The following CLTC variants were observed in gnomAD, a reference collection of about 807,000 sequenced individuals.
The protein encoded by CLTC is clathrin heavy chain 1.
Under a neutral mutation model 195.8 loss-of-function variants are expected in CLTC, and 16 were observed. The observed-to-expected ratio is 0.08, with a 90% CI of 0.06 to 0.12. CLTC has a LOEUF of 0.12. Ranked by LOEUF, CLTC falls within the 10% of genes least tolerant of loss-of-function variation. The pLI, the probability that CLTC is intolerant of heterozygous loss-of-function variation, is 1.00. For missense variants in CLTC, 796 were observed against 2,027.0 expected, an observed-to-expected ratio of 0.39 and a Z score of 11.66; for synonymous variants, 667 against 689.4, an observed-to-expected ratio of 0.97 and a Z score of 0.51.
Position 59,682,732 on chromosome 17 carries a change from G to A in CLTC, c.3704G>A (p.Gly1235Asp), listed in dbSNP as rs181278299. 7.4e-6 allele frequency: 12 copies of A among 1,614,136 alleles called. No homozygotes were observed. The highest frequency in any genetic ancestry group is 5.9e-6 in the Non-Finnish European group (7 of 1,180,018). Residue 1235 changes from glycine to aspartate, a missense_variant, in exon 23 of 32, where the codon GGT becomes GAT. Transcript: ENST00000269122. This position sits in a 1 kb window ranked among gnomAD's most constrained non-coding sequence, Gnocchi z 6.8. ...TTGGCATCTACCCTGGTTCACCTGG[G>A]TGAATATCAGGCAGCTGTTGATGGG... ...GRLASTLVHL[G>D]EYQAAVDGAR...
chr17:59,660,321 C>G, intron 6 of CLTC, 70 bp from the exon 7 acceptor site: 4 of 1,369,612 alleles, frequency 2.9e-6, no homozygotes, highest in Non-Finnish European at 4.1e-6. Context: ...TTAACCTGTT[C>G]TAAACAGATT....
chr17:59,620,195 T>G, intron 1 of CLTC, 22 bp downstream of exon 1: 1 of 1,611,780 alleles, frequency 6.2e-7, no homozygotes, highest in South Asian at 1.1e-5. Context: ...CCCGGGCTGG[T>G]GAGGGCTGTG....
chr17:59,641,369 G>C (rs761984550), intron 1 of CLTC, among the ~76,000 whole-genome samples: 2 of 151,632 alleles, frequency 1.3e-5, no homozygotes, highest in Non-Finnish European at 2.9e-5. Flanking sequence ...GACTGAGGCT[G>C]AGGCAGGTGG....
At chr17:59,679,675 A>C in intron 18 of CLTC, 156 bp downstream of exon 18, 1 of 445,900 alleles carries the variant, frequency 2.2e-6, no homozygotes, top group Non-Finnish European at 3.7e-6. Context: ...ATATATATTC[A>C]ATTTACATTC....
At chr17:59,629,342 C>A (rs1304426737) in intron 1 of CLTC, among the ~76,000 whole-genome samples, 2 of 152,082 alleles carry the variant, frequency 1.3e-5, no homozygotes, top group African/African-American at 4.8e-5. Context: ...CACCAGAATG[C>A]TGTTTGGCAA....
chr17:59,623,427 A>G (rs1315343940), intron 1 of CLTC, among the ~76,000 whole-genome samples: 1 of 152,214 alleles, frequency 6.6e-6, no homozygotes, highest in Non-Finnish European at 1.5e-5. Context: ...TACCCAGCTT[A>G]AAGTGTGTGG....
At chr17:59,670,341 T>C (rs1010356335) in intron 14 of CLTC, among the ~76,000 whole-genome samples, 3 of 152,036 alleles carry the variant, frequency 2.0e-5, no homozygotes, top group African/African-American at 7.2e-5. Flanking sequence ...GTTTGTTATA[T>C]AGGTAAACTG....
intron 17 of CLTC, 52 bp from the exon 18 acceptor site, chr17:59,679,345 T>C: frequency 7.5e-6 from 11 of 1,476,050 alleles, no homozygotes; most frequent in Middle Eastern, 1.8e-4. Context: ...TAAAATGCTA[T>C]AAAAAGTCCT....
At chr17:59,664,213 G>A (rs1428932916) in intron 9 of CLTC, among the ~76,000 whole-genome samples, 4 of 152,128 alleles carry the variant, frequency 2.6e-5, no homozygotes, top group East Asian at 1.9e-4. Context: ...TAGCAGGCAC[G>A]TTTAACATGT....
intron 14 of CLTC, among the ~76,000 whole-genome samples, chr17:59,670,699 A>G (rs1038294644): frequency 1.3e-5 from 2 of 152,208 alleles, no homozygotes; most frequent in Admixed American, 6.5e-5. Context: ...GAAATTAGCT[A>G]TTATTTAATT....
chr17:59,693,470 G>A (rs1200729124), intron 31 of CLTC, among the ~76,000 whole-genome samples: 2 of 151,720 alleles, frequency 1.3e-5, no homozygotes, highest in Non-Finnish European at 2.9e-5. Flanking sequence ...AGTATACAGA[G>A]TGTCAGGCAT....
In CLTC at chr17:59,648,100, T is replaced by A; in HGVS notation, c.520-140T>A. 2.5e-6 allele frequency: 2 copies of A among 798,356 alleles called. No homozygotes were observed. The highest frequency in any genetic ancestry group is 3.9e-6 in the Non-Finnish European group (2 of 515,582). The allele number at this position is 798,356 out of a possible 1,614,324, so 49.5% of individuals were successfully genotyped here. On this transcript the variant is annotated intron_variant, in intron 3 of 31. Transcript: ENST00000269122. The surrounding 1 kb of genome is among the most constrained non-coding windows in gnomAD (Gnocchi z 4.5). Reference sequence around the variant, plus strand: ...TGATTTTAAGTTAAGAAGTATCAAATCTACAGTGAGAGATGAAGTGACAAA... The same window carrying A: ...TGATTTTAAGTTAAGAAGTATCAAAACTACAGTGAGAGATGAAGTGACAAA...
At chr17:59,670,557 CTG>C (rs983725246) in intron 14 of CLTC, among the ~76,000 whole-genome samples, 35 of 151,972 alleles carry the variant, frequency 2.3e-4, no homozygotes, top group African/African-American at 8.5e-4. Context: ...TTTTCTGTTC[CTG>C]TGTTAATACT....
At chr17:59,628,093 G>C (rs1262634526) in intron 1 of CLTC, among the ~76,000 whole-genome samples, 1 of 152,152 alleles carries the variant, frequency 6.6e-6, no homozygotes, top group East Asian at 1.9e-4. Flanking sequence ...AATACTTCTT[G>C]TTCCTAATCC....
At chr17:59,626,968 G>T (rs909948223) in intron 1 of CLTC, among the ~76,000 whole-genome samples, 3 of 152,106 alleles carry the variant, frequency 2.0e-5, no homozygotes, top group African/African-American at 7.2e-5. Context: ...CATGATCAAG[G>T]CTCACTGCAG....
intron 31 of CLTC, among the ~76,000 whole-genome samples, chr17:59,693,123 T>G (rs774852756): frequency 6.6e-6 from 1 of 152,136 alleles, no homozygotes; most frequent in Non-Finnish European, 1.5e-5. Context: ...TCCCAGCACT[T>G]TGGGAGGGCA....
intron 10 of CLTC, among the ~76,000 whole-genome samples, chr17:59,665,424 G>A (rs2032707093): frequency 6.6e-6 from 1 of 152,138 alleles, no homozygotes; most frequent in Non-Finnish European, 1.5e-5. Flanking sequence ...AAAAATACAT[G>A]GGGATGATAA....
At chr17:59,636,452 A>AT (rs1194340205) in intron 1 of CLTC, among the ~76,000 whole-genome samples, 1 of 152,054 alleles carries the variant, frequency 6.6e-6, no homozygotes, top group African/African-American at 2.4e-5. Flanking sequence ...TGTGTTTTTT[A>AT]TTTTTATTTT....
chr17:59,669,641 A>G (rs552959945), intron 14 of CLTC, among the ~76,000 whole-genome samples: 1 of 152,290 alleles, frequency 6.6e-6, no homozygotes, highest in South Asian at 2.1e-4. Context: ...TTTAAAATTG[A>G]TAGCTATCTA....
Sources: gnomAD v4.1 joint callset for allele counts (sites outside exome capture counted in the v4.1 genomes callset) on GRCh38, gnomAD v4.1.1 for gene constraint, Gnocchi (gnomAD v3.1) non-coding constraint, MANE v1.5 for transcripts, NCBI Gene and HGNC (gene_info 2026-07-23, HGNC 2026-07-21) for gene names.